Variants in KANK1 observed in about 807,000 individuals in gnomAD.
KANK1 encodes the protein KN motif and ankyrin repeat domains 1.
KANK1 carries 109 observed loss-of-function variants against 106.2 expected under a neutral mutation model. That is an observed-to-expected ratio of 1.03 (90% CI 0.88 to 1.20). KANK1 has a LOEUF of 1.20. KANK1 is among the 50% of genes most tolerant of loss of function. KANK1 has a pLI of 0.00. For synonymous variants in KANK1, 873 were observed against 652.2 expected, an observed-to-expected ratio of 1.34 and a Z score of -5.16; for missense variants, 2,399 against 1,710.7, an observed-to-expected ratio of 1.40 and a Z score of -7.10.
At chr9:542,751 C>G (rs562567928) in intron 1 of KANK1, among the ~76,000 whole-genome samples, 1 of 152,136 alleles carries the variant, frequency 6.6e-6, no homozygotes, top group Non-Finnish European at 1.5e-5. Context: ...TCATTTGCAG[C>G]AATATAGATG....
chr9:650,014 G>A (rs1240077055), intron 1 of KANK1, among the ~76,000 whole-genome samples: 2 of 152,184 alleles, frequency 1.3e-5, no homozygotes, highest in Admixed American at 6.5e-5. Context: ...AGGGAAAGGT[G>A]CTACTTCGTA....
intron 3 of KANK1, among the ~76,000 whole-genome samples, chr9:727,886 C>G (rs374732169): frequency 3.9e-5 from 6 of 152,152 alleles, no homozygotes; most frequent in Non-Finnish European, 8.8e-5. Context: ...CCCTAACCAA[C>G]GGAATAGATC....
At chr9:620,561 C>G (rs891994313) in intron 1 of KANK1, among the ~76,000 whole-genome samples, 2 of 151,940 alleles carry the variant, frequency 1.3e-5, no homozygotes, top group African/African-American at 4.8e-5. Flanking sequence ...TGCCACCACA[C>G]CCGGCTAATT....
intron 1 of KANK1, among the ~76,000 whole-genome samples, chr9:538,932 G>A (rs1453663343): frequency 6.6e-6 from 1 of 152,182 alleles, no homozygotes; most frequent in Non-Finnish European, 1.5e-5. Flanking sequence ...CCAGGCTGGA[G>A]TACAGTGACA....
Position 632,595 on chromosome 9 carries a change from T to C in KANK1, c.-83-44295T>C, listed in dbSNP as rs554185710. 1.4e-4 allele frequency among the ~76,000 whole-genome samples: 21 copies of C among 152,272 alleles called. 1 individual carries two copies. The South Asian group carries it at 4.4e-3, about 32-fold the overall frequency. On this transcript the variant is annotated intron_variant, in intron 1 of 11. Transcript: ENST00000382297. ...CAAGGTGAGAGGCAGGGGAGGACATTTTCATTCCGTGGAGTCACACTGAGG... is the reference window on the plus strand; with the variant it reads ...CAAGGTGAGAGGCAGGGGAGGACATCTTCATTCCGTGGAGTCACACTGAGG...
intron 1 of KANK1, among the ~76,000 whole-genome samples, chr9:605,391 T>G (rs1169448862): frequency 1.3e-5 from 2 of 151,298 alleles, no homozygotes. Flanking sequence ...TATGTTAAGC[T>G]CTGAATTCAG....
intron 3 of KANK1, among the ~76,000 whole-genome samples, chr9:716,091 G>A (rs1046873274): frequency 6.6e-6 from 1 of 152,146 alleles, no homozygotes; most frequent in African/African-American, 2.4e-5. Context: ...AAAACAGTAG[G>A]GAATTTGGGT....
At position 549,405 on chromosome 9, in the gene KANK1, G is replaced by A. The variant is rs372625750; in HGVS notation, c.-84+44651G>A. 222 of 152,436 alleles carry A rather than the reference G, an allele frequency of 1.5e-3. 3 individuals are homozygous for A. Among genetic ancestry groups the A allele is most frequent in the Non-Finnish European group, 2.3e-3 (154 of 68,082 alleles). 9.4% of individuals were successfully genotyped at this position (152,436 alleles called of 1,614,324 possible). The stretch of plus-strand genomic sequence containing the variant: ...GCTCTCCAGCTTGCTAGTGAGAATT[G>A]CCAAGGATTGGTTCATGGCAGGATA... On this transcript the variant is annotated intron_variant, in intron 1 of 11. Transcript: ENST00000382297.
At chr9:635,450 C>T (rs1040185832) in intron 1 of KANK1, among the ~76,000 whole-genome samples, 2 of 152,140 alleles carry the variant, frequency 1.3e-5, no homozygotes, top group African/African-American at 4.8e-5. Flanking sequence ...CAGACCCTGA[C>T]TTTATTTGTG....
intron 3 of KANK1, among the ~76,000 whole-genome samples, chr9:473,959 A>T (rs1186588418): frequency 2.7e-5 from 4 of 148,268 alleles, no homozygotes; most frequent in African/African-American, 1.1e-4. Flanking sequence ...CGGCCTCCCA[A>T]AGTTCTGGGA....
chr9:521,004 CT>C (rs1287943181), intron 1 of KANK1, among the ~76,000 whole-genome samples: 1 of 151,650 alleles, frequency 6.6e-6, no homozygotes, highest in Admixed American at 6.6e-5. Context: ...GAGATGGGGC[CT>C]TTTGACAGAA....
chr9:662,432 C>T (rs1285956614), intron 1 of KANK1, among the ~76,000 whole-genome samples: 2 of 152,112 alleles, frequency 1.3e-5, no homozygotes, highest in African/African-American at 4.8e-5. Flanking sequence ...AACTATACTA[C>T]AAGGCTTCGG....
chr9:566,826 C>G (rs190855542), intron 1 of KANK1, among the ~76,000 whole-genome samples: 2 of 152,030 alleles, frequency 1.3e-5, no homozygotes, highest in Non-Finnish European at 2.9e-5. Flanking sequence ...TTGATAGTTT[C>G]TTTTGCTGTG....
intron 4 of KANK1, 121 bp downstream of exon 4, chr9:730,369 G>T: frequency 9.5e-7 from 1 of 1,048,744 alleles, no homozygotes; most frequent in East Asian, 2.6e-5. Context: ...TCGTTATTTG[G>T]AAGGTAGGCC....
intron 3 of KANK1, among the ~76,000 whole-genome samples, chr9:720,356 T>C (rs907876273): frequency 6.6e-6 from 1 of 152,194 alleles, no homozygotes; most frequent in African/African-American, 2.4e-5. Context: ...TGTCGTTTTG[T>C]TTTGTTGAGA....
At chr9:578,206 G>T (rs1409826433) in intron 1 of KANK1, among the ~76,000 whole-genome samples, 1 of 152,172 alleles carries the variant, frequency 6.6e-6, no homozygotes, top group African/African-American at 2.4e-5. Context: ...ATCAGTAAAA[G>T]CATTCACCTT....
chr9:605,686 T>C (rs78206737), intron 1 of KANK1, among the ~76,000 whole-genome samples: 5,390 of 151,464 alleles, frequency 0.036, 433 homozygotes, highest in African/African-American at 0.12. Flanking sequence ...AAATTCTGGG[T>C]TTTAAAAGAG....
intron 1 of KANK1, among the ~76,000 whole-genome samples, chr9:567,059 A>T (rs1175966949): frequency 6.6e-6 from 1 of 152,190 alleles, no homozygotes; most frequent in Non-Finnish European, 1.5e-5. Context: ...TTTTCTGCAC[A>T]TGGCTAGCCA....
chr9:518,125 C>G (rs1404382868), intron 1 of KANK1, among the ~76,000 whole-genome samples: 2 of 151,740 alleles, frequency 1.3e-5, no homozygotes, highest in Non-Finnish European at 2.9e-5. Flanking sequence ...CCTGCTCTGT[C>G]AACTTTGATA....
Sources: gnomAD v4.1 joint callset for allele counts (sites outside exome capture counted in the v4.1 genomes callset) on GRCh38, gnomAD v4.1.1 for gene constraint, MANE v1.5 for transcripts, NCBI Gene and HGNC (gene_info 2026-07-23, HGNC 2026-07-21) for gene names.